DTNBP1: variants seen among roughly 807,000 people sequenced by gnomAD.
The protein encoded by DTNBP1 is dysbindin.
In DTNBP1, 35 loss-of-function variants were observed where a neutral mutation model predicts 42.8. The ratio of observed to expected loss-of-function variants is 0.82; its 90% CI spans 0.63 to 1.09. The LOEUF (loss-of-function observed/expected upper bound fraction) is 1.09. DTNBP1 is among the 50% of genes least tolerant of loss of function. The pLI, the probability that DTNBP1 is intolerant of heterozygous loss-of-function variation, is 0.00. For missense variants in DTNBP1, 457 were observed against 424.2 expected (o/e 1.08, Z -0.68); for synonymous variants, 171 against 162.2 (o/e 1.05, Z -0.41).
intron 3 of DTNBP1, among the ~76,000 whole-genome samples, chr6:15,648,079 C>A (rs1175254429): frequency 6.6e-6 from 1 of 151,940 alleles, no homozygotes; most frequent in Non-Finnish European, 1.5e-5. Context: ...GGGATTTATT[C>A]CTGGAATGCA....
chr6:15,644,900 A>G (rs1009341470), intron 3 of DTNBP1, among the ~76,000 whole-genome samples: 1 of 152,060 alleles, frequency 6.6e-6, no homozygotes, highest in African/African-American at 2.4e-5. Context: ...AACTAAACCC[A>G]AAGCTAACAG....
chr6:15,524,404 G>A (rs749284460), intron 9 of DTNBP1, 122 bp downstream of exon 9: 42 of 1,614,208 alleles, frequency 2.6e-5, no homozygotes, highest in Non-Finnish European at 3.5e-5. Context: ...GGAGCCAGGA[G>A]CTGGCTGTGA....
At chr6:15,614,059 G>T (rs1758580545) in intron 6 of DTNBP1, among the ~76,000 whole-genome samples, 2 of 152,048 alleles carry the variant, frequency 1.3e-5, no homozygotes, top group South Asian at 4.1e-4. Context: ...CTCTCCCCAG[G>T]TGACTCTTAT....
At chr6:15,646,378 G>C (rs1049151253) in intron 3 of DTNBP1, among the ~76,000 whole-genome samples, 1 of 150,642 alleles carries the variant, frequency 6.6e-6, no homozygotes, top group South Asian at 2.1e-4. Flanking sequence ...TAGATGACAC[G>C]AATGGAAAAA....
chr6:15,649,801 T>C (rs963642997), intron 3 of DTNBP1, among the ~76,000 whole-genome samples: 1 of 152,222 alleles, frequency 6.6e-6, no homozygotes, highest in Non-Finnish European at 1.5e-5. Context: ...GTAAATTTTC[T>C]ATATTAACTC....
chr6:15,545,685 G>A (rs766048932), intron 7 of DTNBP1, among the ~76,000 whole-genome samples: 3 of 152,148 alleles, frequency 2.0e-5, no homozygotes, highest in Non-Finnish European at 4.4e-5. Flanking sequence ...AGGTCCTTAG[G>A]AACAGCTACT....
At chr6:15,561,878 G>C (rs905441416) in intron 7 of DTNBP1, among the ~76,000 whole-genome samples, 3 of 152,214 alleles carry the variant, frequency 2.0e-5, no homozygotes, top group African/African-American at 7.2e-5. Context: ...TGATGGAAGG[G>C]ACCTCTGGTC....
chr6:15,621,851 C>T (rs1759061291), intron 5 of DTNBP1, among the ~76,000 whole-genome samples: 1 of 152,182 alleles, frequency 6.6e-6, no homozygotes, highest in African/African-American at 2.4e-5. Context: ...CCCGGCCTGT[C>T]TTTTCAGGCT....
intron 3 of DTNBP1, 140 bp from the exon 4 acceptor site, chr6:15,637,944 C>T (rs574334052): frequency 1.0e-5 from 9 of 894,370 alleles, no homozygotes; most frequent in African/African-American, 6.6e-5. Flanking sequence ...AGGACACAGA[C>T]GTCAACTTGA....
chr6:15,566,673 G>A (rs1349944348), intron 7 of DTNBP1, among the ~76,000 whole-genome samples: 2 of 151,514 alleles, frequency 1.3e-5, no homozygotes, highest in Admixed American at 6.6e-5. Flanking sequence ...CCTTTTGTGG[G>A]GGAAAATCTG....
chr6:15,524,384 G>A lies in DTNBP1; in HGVS notation c.811+142C>T, dbSNP rs147651752. 300 of 1,613,998 alleles carry A rather than the reference G, an allele frequency of 1.9e-4. No homozygotes were observed. The African/African-American group carries it at 3.3e-3, about 18-fold the overall frequency. ...AGCTGCCACACAGCCGTGTGGAACC[G>A]TGGGGTTAGGGAGCCAGGAGCTGGC... On this transcript the variant is annotated intron_variant, in intron 9 of 9. Coordinates refer to ENST00000344537, the MANE Select transcript of DTNBP1 (RefSeq NM_032122.5).
At position 15,651,333 on chromosome 6, in the gene DTNBP1, A is replaced by T. The variant is rs1760980202; in HGVS notation, c.141T>A (p.Ala47=). 1 of 1,611,904 alleles carries T rather than the reference A, an allele frequency of 6.2e-7. No homozygotes were observed. The highest frequency in any genetic ancestry group is 8.5e-7 in the Non-Finnish European group (1 of 1,179,740). ...RTVPFLPKYS[A]GLELLSRYED... Reference sequence around the variant, plus strand: ...CTTACCTGCTAAGTAATTCTAATCCAGCAGAGTACTTTGGCAAAAATGGAA... The same window carrying T: ...CTTACCTGCTAAGTAATTCTAATCCTGCAGAGTACTTTGGCAAAAATGGAA... Residue 47 remains alanine, a synonymous_variant, in exon 3 of 10, where the codon GCT becomes GCA. Transcript: ENST00000344537.
intron 4 of DTNBP1, among the ~76,000 whole-genome samples, chr6:15,627,947 A>G (rs756174662): frequency 1.3e-5 from 2 of 152,212 alleles, no homozygotes; most frequent in African/African-American, 2.4e-5. Context: ...ATTTACATTT[A>G]AACAGGAATA....
intron 8 of DTNBP1, among the ~76,000 whole-genome samples, chr6:15,530,216 T>G (rs1772720581): frequency 6.6e-6 from 1 of 152,216 alleles, no homozygotes; most frequent in Non-Finnish European, 1.5e-5. Context: ...TGAAGATTCC[T>G]CCCTAAGAAA....
chr6:15,614,707 C>T (rs1165882384), intron 6 of DTNBP1, among the ~76,000 whole-genome samples: 1 of 152,210 alleles, frequency 6.6e-6, no homozygotes, highest in African/African-American at 2.4e-5. Flanking sequence ...TTACAAAGCA[C>T]TAACTGAATT....
intron 6 of DTNBP1, among the ~76,000 whole-genome samples, chr6:15,612,777 C>T (rs570267908): frequency 8.5e-5 from 13 of 152,316 alleles, no homozygotes; most frequent in Non-Finnish European, 1.8e-4. Flanking sequence ...AAAATTTCCT[C>T]TCAAAATTCT....
intron 5 of DTNBP1, among the ~76,000 whole-genome samples, chr6:15,621,672 A>G (rs1759050131): frequency 1.3e-5 from 2 of 152,220 alleles, no homozygotes; most frequent in African/African-American, 4.8e-5. Context: ...AAAGCTTCAC[A>G]GGCTCCCCAG....
At chr6:15,647,899 C>T (rs1484284531) in intron 3 of DTNBP1, among the ~76,000 whole-genome samples, 5 of 152,080 alleles carry the variant, frequency 3.3e-5, no homozygotes, top group Admixed American at 2.0e-4. Context: ...AGGAATAAAT[C>T]CTAACTCATT....
intron 7 of DTNBP1, among the ~76,000 whole-genome samples, chr6:15,572,819 C>T (rs1775395661): frequency 6.6e-6 from 1 of 152,062 alleles, no homozygotes; most frequent in African/African-American, 2.4e-5. Flanking sequence ...GCACCTTCAA[C>T]CTCCCTGACG....
Sources: gnomAD v4.1 joint callset for allele counts (sites outside exome capture counted in the v4.1 genomes callset) on GRCh38, gnomAD v4.1.1 for gene constraint, MANE v1.5 for transcripts, NCBI Gene and HGNC (gene_info 2026-07-23, HGNC 2026-07-21) for gene names.